Variants in PRSS41 observed in about 807,000 individuals in gnomAD.
PRSS41 encodes the protein serine protease 41, also known as protease, serine 41.
Under a neutral mutation model 28.8 loss-of-function variants are expected in PRSS41, and 37 were observed. The ratio of observed to expected loss-of-function variants is 1.29; its 90% CI spans 0.99 to 1.69. The LOEUF is 1.69. PRSS41 is among the 40% of genes most tolerant of loss of function. The pLI, the probability that PRSS41 is intolerant of heterozygous loss-of-function variation, is 0.00. For synonymous variants in PRSS41, 195 were observed against 163.1 expected (o/e 1.20, Z -1.49); for missense variants, 431 against 400.7 (o/e 1.08, Z -0.65).
At chr16:2,803,955 C>G (rs888040970) in intron 4 of PRSS41, among the ~76,000 whole-genome samples, 2 of 151,958 alleles carry the variant, frequency 1.3e-5, no homozygotes, top group African/African-American at 4.8e-5. Flanking sequence ...TTGTGTTTAT[C>G]CTGTGGAATT....
chr16:2,798,987 G>C, exon 3 of PRSS41: 1 of 1,520,368 alleles, frequency 6.6e-7, no homozygotes, highest in East Asian at 2.5e-5. Context: ...AAATTCACGC[G>C]CTGGTGGCGG....
In PRSS41 at chr16:2,798,522, T is replaced by TGGCTCGGGCTG; in HGVS notation, c.40_50dup (p.Lys20LeufsTer46). Reference sequence around the variant, plus strand: ...GGGGCGCTGCTGCTGGCGCTGCTGCTGGCTCGGGCTGGACTCGGGAAGCCG... The same window carrying TGGCTCGGGCTG: ...GGGGCGCTGCTGCTGGCGCTGCTGCTGGCTCGGGCTGGGCTCGGGCTGGACTCGGGAAGCCG... On this transcript the variant is annotated frameshift_variant, in exon 1 of 6. Coordinates refer to ENST00000399677, the Ensembl canonical transcript of PRSS41. LOFTEE classifies it high-confidence loss of function. The TGGCTCGGGCTG allele has an allele frequency of 6.6e-7, 1 of 1,522,554 alleles. No individual in the cohort carries two copies. Among genetic ancestry groups the TGGCTCGGGCTG allele is most frequent in the Non-Finnish European group, 8.8e-7 (1 of 1,134,602 alleles). 94.3% of individuals were successfully genotyped at this position (1,522,554 alleles called of 1,614,324 possible). A position where few individuals can be genotyped will look rare whatever the true frequency, so the allele number is the denominator to read the frequency against.
chr16:2,802,986 T>C (rs1318514632), intron 4 of PRSS41, among the ~76,000 whole-genome samples: 7 of 152,262 alleles, frequency 4.6e-5, no homozygotes, highest in African/African-American at 1.2e-4. Flanking sequence ...ACTATTTTTA[T>C]GGAAATTTTT....
intron 2 of PRSS41, 63 bp from the exon 3 acceptor site, chr16:2,798,896 C>T: frequency 6.9e-7 from 1 of 1,444,784 alleles, no homozygotes; most frequent in South Asian, 1.4e-5. Flanking sequence ...CAAAGCCGGG[C>T]AGGGCGGGCC....
chr16:2,800,542 CAAAAAAAAA>C (rs56393015), intron 4 of PRSS41, among the ~76,000 whole-genome samples: 2 of 81,950 alleles, frequency 2.4e-5, no homozygotes, highest in African/African-American at 8.4e-5. Flanking sequence ...GACTCCATCT[CAAAAAAAAA>C]AAAAAAAAAA....
chr16:2,798,562 G>A lies in PRSS41; in HGVS notation c.64+14G>A, dbSNP rs778715609. 3 of 1,531,982 alleles carry A rather than the reference G, an allele frequency of 2.0e-6. No individual in the cohort carries two copies. The highest frequency in any genetic ancestry group is 2.5e-5 in the East Asian group (1 of 39,524). 94.9% of individuals were successfully genotyped at this position (1,531,982 alleles called of 1,614,324 possible). A position where few individuals can be genotyped will look rare whatever the true frequency, so the allele number is the denominator to read the frequency against. On this transcript the variant is annotated intron_variant, in intron 1 of 5. Coordinates refer to ENST00000399677, the Ensembl canonical transcript of PRSS41. ...TCGGGAAGCCGGGTGAGCTCGGGGC[G>A]CTACAGGCGGGACCGGGGGCAGCGA... is the stretch of plus-strand genomic sequence containing the variant.
rs1443900867 is a variant in PRSS41 at position 2,801,980 on chromosome 16, C to A, written c.542-2409C>A. 1.2e-4 allele frequency among the ~76,000 whole-genome samples: 18 copies of A among 150,490 alleles called. No homozygotes were observed. In the South Asian group the frequency reaches 3.2e-3, roughly 26 times the overall value. On this transcript the variant is annotated intron_variant, in intron 4 of 5. Coordinates refer to ENST00000399677, the Ensembl canonical transcript of PRSS41. Reference sequence around the variant, plus strand: ...TGGCCGGGCGGGGGGCTGACCCCCCCACCTCCCTCCCGGACGGGGCGGCTG... The same window carrying A: ...TGGCCGGGCGGGGGGCTGACCCCCCAACCTCCCTCCCGGACGGGGCGGCTG...
intron 2 of PRSS41, 33 bp from the exon 3 acceptor site, chr16:2,798,926 G>A (rs982662962): frequency 2.0e-5 from 11 of 553,704 alleles, no homozygotes; most frequent in Non-Finnish European, 3.4e-5. Flanking sequence ...CACCCCACCC[G>A]GCAGCTCAGC....
intron 4 of PRSS41, among the ~76,000 whole-genome samples, chr16:2,802,022 A>ACC (rs1221295581): frequency 3.0e-5 from 4 of 132,532 alleles, no homozygotes; most frequent in Admixed American, 1.5e-4. Flanking sequence ...CGTGGGGCTG[A>ACC]CCCCCCCCAC....
chr16:2,804,844 T>C (rs2069010609), intron 5 of PRSS41, 70 bp from the exon 6 acceptor site: 5 of 1,220,258 alleles, frequency 4.1e-6, no homozygotes, highest in Admixed American at 2.0e-5. Flanking sequence ...CCACAGCCCC[T>C]CCTGCTCTCA....
At chr16:2,802,030 C>G (rs576627191) in intron 4 of PRSS41, among the ~76,000 whole-genome samples, 9 of 148,586 alleles carry the variant, frequency 6.1e-5, no homozygotes, top group South Asian at 2.1e-4. Flanking sequence ...TGACCCCCCC[C>G]ACCTCCCTCC....
In PRSS41 at chr16:2,801,545, A is replaced by C. The variant is rs368036876; in HGVS notation, c.541+1976A>C. ...AGATTAGGGATTGGTAATGACTCTTAACGAGCATGCTGCCTTCAAGCATCT... is the reference window on the plus strand; with the variant it reads ...AGATTAGGGATTGGTAATGACTCTTCACGAGCATGCTGCCTTCAAGCATCT... On this transcript the variant is annotated intron_variant, in intron 4 of 5. Transcript: ENST00000399677. 7.9e-3 allele frequency among the ~76,000 whole-genome samples: 1,195 copies of C among 151,760 alleles called. 27 individuals carry two copies. Among genetic ancestry groups the C allele is most frequent in the Admixed American group, 0.053 (806 of 15,228 alleles).
chr16:2,801,713 A>G (rs1248026650), intron 4 of PRSS41, among the ~76,000 whole-genome samples: 1 of 152,114 alleles, frequency 6.6e-6, no homozygotes, highest in East Asian at 1.9e-4. Flanking sequence ...AGTGCAGAAC[A>G]AAATGAAAAG....
exon 1 of PRSS41, chr16:2,798,491 G>T (rs1241358330): frequency 2.6e-6 from 4 of 1,513,906 alleles, no homozygotes; most frequent in Non-Finnish European, 3.5e-6. Flanking sequence ...GGCCATGGGC[G>T]CGCGCGGGGC....
At chr16:2,802,758 G>A (rs1485846599) in intron 4 of PRSS41, among the ~76,000 whole-genome samples, 4 of 152,218 alleles carry the variant, frequency 2.6e-5, no homozygotes, top group African/African-American at 9.6e-5. Context: ...GCAATCGCAG[G>A]CACTCGGCAG....
At chr16:2,804,300 A>C (rs1050137475) in intron 4 of PRSS41, 89 bp from the exon 5 acceptor site, 1 of 1,416,586 alleles carries the variant, frequency 7.1e-7, no homozygotes, top group African/African-American at 1.4e-5. Context: ...CCTTCTCCCC[A>C]CCCCTATAAC....
At chr16:2,799,346 T>G in exon 4 of PRSS41, 1 of 1,551,768 alleles carries the variant, frequency 6.4e-7, no homozygotes. Context: ...GGCCAACTCC[T>G]TGGAACCTGC....
At chr16:2,803,866 C>G (rs1312057211) in intron 4 of PRSS41, among the ~76,000 whole-genome samples, 1 of 152,104 alleles carries the variant, frequency 6.6e-6, no homozygotes, top group Non-Finnish European at 1.5e-5. Context: ...CTTGATGTAT[C>G]ACTTCTCTCT....
exon 3 of PRSS41, chr16:2,798,962 C>G: frequency 6.7e-7 from 1 of 1,490,908 alleles, no homozygotes; most frequent in Non-Finnish European, 8.9e-7. Flanking sequence ...ATCCCAGAGG[C>G]CTGCGGCCAC....
Sources: gnomAD v4.1 joint callset for allele counts (sites outside exome capture counted in the v4.1 genomes callset) on GRCh38, gnomAD v4.1.1 for gene constraint, MANE v1.5 for transcripts, NCBI Gene and HGNC (gene_info 2026-07-23, HGNC 2026-07-21) for gene names.